FBXO11: variants seen among roughly 807,000 people sequenced by gnomAD.
FBXO11 encodes the protein F-box only protein 11.
In FBXO11, 13 loss-of-function variants were observed where a neutral mutation model predicts 117.0. The ratio of observed to expected loss-of-function variants is 0.11; its 90% CI spans 0.07 to 0.18. FBXO11 has a LOEUF of 0.18. Ranked by LOEUF, FBXO11 falls within the 10% of genes least tolerant of loss-of-function variation. The pLI is 1.00. For synonymous variants in FBXO11, 490 were observed against 380.5 expected, an observed-to-expected ratio of 1.29 and a Z score of -3.35; for missense variants, 767 against 1,164.4, an observed-to-expected ratio of 0.66 and a Z score of 4.97.
intron 11 of FBXO11, among the ~76,000 whole-genome samples, chr2:47,824,887 A>G (rs950937250): frequency 2.6e-5 from 4 of 152,168 alleles, no homozygotes; most frequent in African/African-American, 9.7e-5. Context: ...GAAAAAACGG[A>G]ATGTGCTTAC....
rs375331541 is a variant in FBXO11, at chr2:47,819,085, G to C, written c.1798-7C>G. On this transcript the variant is annotated splice_polypyrimidine_tract_variant and splice_region_variant and intron_variant, in intron 14 of 22. Coordinates refer to ENST00000403359, the MANE Select transcript of FBXO11 (RefSeq NM_001190274.2). Reference sequence around the variant, plus strand: ...CTCCTTGTCCCTTTTCATGCTAAATGAAAGTTACACTGGTTATAATATTTA... The same window carrying C: ...CTCCTTGTCCCTTTTCATGCTAAATCAAAGTTACACTGGTTATAATATTTA... 1.2e-6 allele frequency: 2 copies of C among 1,611,960 alleles called. No homozygotes were observed. The highest frequency in any genetic ancestry group is 2.7e-5 in the African/African-American group (2 of 74,800).
intron 11 of FBXO11, among the ~76,000 whole-genome samples, chr2:47,831,060 A>C (rs1210058816): frequency 6.6e-6 from 1 of 151,570 alleles, no homozygotes; most frequent in Admixed American, 6.6e-5. Flanking sequence ...TGGCCTCCCA[A>C]AGTGCTGGGA....
intron 1 of FBXO11, among the ~76,000 whole-genome samples, chr2:47,846,570 A>T (rs1451760190): frequency 6.6e-6 from 1 of 151,154 alleles, no homozygotes; most frequent in Non-Finnish European, 1.5e-5. Flanking sequence ...ATAACCCTCT[A>T]CCAAAAATGT....
intron 1 of FBXO11, among the ~76,000 whole-genome samples, chr2:47,843,898 G>A (rs183589271): frequency 2.1e-4 from 32 of 152,010 alleles, no homozygotes; most frequent in East Asian, 1.9e-3. Flanking sequence ...GCGCCACTAC[G>A]CCCGGCTAAT....
In FBXO11 at chr2:47,906,204, CA is replaced by C. The variant is rs1399325306; in HGVS notation, c.-485del. 6.0e-6 allele frequency: 1 copy of C among 166,548 alleles called. No individual in the cohort carries two copies. Among genetic ancestry groups the C allele is most frequent in the African/African-American group, 2.4e-5 (1 of 41,390 alleles). The allele number at this position is 166,548 out of a possible 1,614,324, so 10.3% of individuals were successfully genotyped here. ...AGAGGGAGAGAAGGGAGGGAGGGAGCAGGGGGCGCCCGGCTCTTTTTTTTCC... is the reference window on the plus strand; with the variant it reads ...AGAGGGAGAGAAGGGAGGGAGGGAGCGGGGGCGCCCGGCTCTTTTTTTTCC... On this transcript the variant is annotated 5_prime_UTR_variant, in exon 1 of 23. Coordinates refer to ENST00000403359, the MANE Select transcript of FBXO11 (RefSeq NM_001190274.2).
At chr2:47,831,185 G>C (rs1229893079) in intron 11 of FBXO11, among the ~76,000 whole-genome samples, 5 of 151,836 alleles carry the variant, frequency 3.3e-5, no homozygotes, top group Non-Finnish European at 7.4e-5. Context: ...GGGAGGCCGA[G>C]GCAGGTGAAT....
chr2:47,882,070 T>A (rs922016598), intron 1 of FBXO11, among the ~76,000 whole-genome samples: 1 of 152,136 alleles, frequency 6.6e-6, no homozygotes, highest in Non-Finnish European at 1.5e-5. Context: ...TTTATGTCTA[T>A]ATATAAATTC....
At chr2:47,899,893 T>C (rs1384628077) in intron 1 of FBXO11, among the ~76,000 whole-genome samples, 2 of 151,754 alleles carry the variant, frequency 1.3e-5, no homozygotes, top group African/African-American at 2.4e-5. Flanking sequence ...AAAGACCTCA[T>C]GTTGAAATAG....
intron 1 of FBXO11, among the ~76,000 whole-genome samples, chr2:47,899,888 CCT>C (rs1677968806): frequency 6.6e-6 from 1 of 151,602 alleles, no homozygotes; most frequent in Admixed American, 6.6e-5. Context: ...CAATAAAAGA[CCT>C]CATGTTGAAA....
chr2:47,854,030 T>C (rs545704912), intron 1 of FBXO11, among the ~76,000 whole-genome samples: 25 of 152,312 alleles, frequency 1.6e-4, no homozygotes, highest in Admixed American at 1.2e-3. Flanking sequence ...AAAGTATCAG[T>C]AGTCATTAGG....
chr2:47,896,731 G>T (rs888746210), intron 1 of FBXO11, among the ~76,000 whole-genome samples: 2 of 152,194 alleles, frequency 1.3e-5, no homozygotes, highest in African/African-American at 4.8e-5. Context: ...GTCTTTCAGA[G>T]AATTAATGAA....
At chr2:47,808,635 T>G (rs1385110121) in intron 21 of FBXO11, 6 of 486,480 alleles carry the variant, frequency 1.2e-5, no homozygotes. Flanking sequence ...GAGAAATGAT[T>G]TGTAAATTGT....
chr2:47,847,408 A>G (rs902641887), intron 1 of FBXO11, among the ~76,000 whole-genome samples: 183 of 152,316 alleles, frequency 1.2e-3, no homozygotes, highest in African/African-American at 4.4e-3. Context: ...AAAAAGGTAC[A>G]GTAAAAATAT....
intron 11 of FBXO11, among the ~76,000 whole-genome samples, chr2:47,824,808 T>C (rs1671629565): frequency 6.6e-6 from 1 of 152,248 alleles, no homozygotes; most frequent in Non-Finnish European, 1.5e-5. Context: ...TTTACTTTTA[T>C]AATGATAATG....
intron 1 of FBXO11, among the ~76,000 whole-genome samples, chr2:47,866,323 A>T (rs556010861): frequency 6.6e-6 from 1 of 152,074 alleles, no homozygotes; most frequent in African/African-American, 2.4e-5. Context: ...GAAAGCAGGT[A>T]ATTCAAATAC....
At chr2:47,821,445 C>G (rs1671372102) in intron 13 of FBXO11, among the ~76,000 whole-genome samples, 1 of 151,972 alleles carries the variant, frequency 6.6e-6, no homozygotes. Context: ...CCCGTCTCTA[C>G]TAAAAATACA....
At chr2:47,825,372 C>T (rs1671671660) in intron 11 of FBXO11, among the ~76,000 whole-genome samples, 1 of 151,778 alleles carries the variant, frequency 6.6e-6, no homozygotes, top group African/African-American at 2.4e-5. Flanking sequence ...AGTGAATACA[C>T]ACTGGGTGTA....
intron 1 of FBXO11, among the ~76,000 whole-genome samples, chr2:47,860,137 G>T (rs543248001): frequency 6.6e-6 from 1 of 152,262 alleles, no homozygotes; most frequent in East Asian, 1.9e-4. Context: ...ATGGGTTTTA[G>T]AACTATGCTA....
chr2:47,816,790 T>G (rs1448889400), intron 16 of FBXO11, among the ~76,000 whole-genome samples: 1 of 152,224 alleles, frequency 6.6e-6, no homozygotes, highest in Non-Finnish European at 1.5e-5. Context: ...TAGGTCTCAG[T>G]GGACTTAACA....
Sources: allele counts gnomAD v4.1 joint callset (sites outside exome capture counted in the v4.1 genomes callset), GRCh38; gene constraint gnomAD v4.1.1; transcripts MANE v1.5; gene names NCBI Gene and HGNC (gene_info 2026-07-23, HGNC 2026-07-21).